The following PGS1 variants were observed in gnomAD, a reference collection of about 807,000 sequenced individuals.
PGS1 encodes the protein CDP-diacylglycerol--glycerol-3-phosphate 3-phosphatidyltransferase, mitochondrial.
Under a neutral mutation model 58.3 loss-of-function variants are expected in PGS1, and 44 were observed. The ratio of observed to expected loss-of-function variants is 0.75; its 90% CI spans 0.59 to 0.97. The LOEUF is 0.97. Among genes scored for constraint, PGS1 ranks in the 50% least tolerant of loss-of-function variants. PGS1 has a pLI of 0.00. For synonymous variants in PGS1, 330 were observed against 311.0 expected (o/e 1.06, Z -0.64); for missense variants, 684 against 731.1 (o/e 0.94, Z 0.74).
intron 6 of PGS1, 136 bp from the exon 7 acceptor site, chr17:78,403,432 G>A: frequency 3.1e-6 from 3 of 973,900 alleles, no homozygotes; most frequent in Non-Finnish European, 4.6e-6. Context: ...GGGGTCCTGG[G>A]CCCACTCAGC....
chr17:78,406,717 G>A (rs1200784212), intron 7 of PGS1, among the ~76,000 whole-genome samples: 3 of 152,240 alleles, frequency 2.0e-5, no homozygotes, highest in South Asian at 4.1e-4. Flanking sequence ...CCAGGGATGG[G>A]GTATTGAAAG....
chr17:78,378,698 C>T lies in PGS1; in HGVS notation c.33C>T (p.Pro11=), dbSNP rs535523184. ...TGGCGGCGGCAGCTGCGGCGGGACC[C>T]GTGTTCTGGAGGCGACTGCTGGGCC... MAVAAAAAAG[P]VFWRRLLGLL... is the part of the protein sequence containing the mutation. Residue 11 remains proline, a synonymous_variant, in exon 1 of 10, where the codon CCC becomes CCT. Coordinates refer to ENST00000262764, the MANE Select transcript of PGS1 (RefSeq NM_024419.5). The T allele has an allele frequency of 2.6e-6, 4 of 1,524,878 alleles. No homozygotes were observed. The highest frequency in any genetic ancestry group is 2.4e-5 in the South Asian group (2 of 82,568). The allele number at this position is 1,524,878 out of a possible 1,614,324, so 94.5% of individuals were successfully genotyped here.
At chr17:78,422,569 C>T (rs2085949625) in intron 9 of PGS1, among the ~76,000 whole-genome samples, 1 of 126,202 alleles carries the variant, frequency 7.9e-6, no homozygotes, top group African/African-American at 2.8e-5. Context: ...ATGATCATGC[C>T]TCGCTGCGTA....
intron 1 of PGS1, among the ~76,000 whole-genome samples, chr17:78,390,325 T>G (rs7222619): frequency 0.14 from 20,535 of 145,554 alleles, 1,550 homozygotes; most frequent in African/African-American, 0.24. Context: ...GAGACGGGGG[T>G]GGGGGAGGAA....
At chr17:78,395,307 T>C (rs1334538308) in intron 2 of PGS1, among the ~76,000 whole-genome samples, 1 of 152,232 alleles carries the variant, frequency 6.6e-6, no homozygotes, top group African/African-American at 2.4e-5. Context: ...TCTGTTTTAA[T>C]TGGTAACAAA....
intron 7 of PGS1, among the ~76,000 whole-genome samples, chr17:78,411,456 T>G (rs770449047): frequency 5.9e-5 from 9 of 152,156 alleles, no homozygotes; most frequent in Non-Finnish European, 1.0e-4. Flanking sequence ...CCCGCGACAC[T>G]TGATTTATAG....
At chr17:78,417,553 T>TG (rs1247404879) in intron 8 of PGS1, among the ~76,000 whole-genome samples, 2 of 152,014 alleles carry the variant, frequency 1.3e-5, no homozygotes, top group African/African-American at 4.8e-5. Context: ...TTCTGGAGTG[T>TG]GGGGTGACCC....
Position 78,399,554 on chromosome 17 carries a change from G to T in PGS1, c.701+17G>T. The stretch of plus-strand genomic sequence containing the variant: ...CTTGAGCGGGTGAGTGCTTCCCACC[G>T]TCAGTGCTTTTGCCCTCCTGCTCTG... On this transcript the variant is annotated intron_variant, in intron 5 of 9. Transcript: ENST00000262764. 1 of 1,612,820 alleles carries T rather than the reference G, an allele frequency of 6.2e-7. No individual in the cohort carries two copies. The highest frequency in any genetic ancestry group is 1.3e-5 in the African/African-American group (1 of 75,046).
chr17:78,418,089 C>G (rs550674319), intron 8 of PGS1, among the ~76,000 whole-genome samples: 1 of 151,852 alleles, frequency 6.6e-6, no homozygotes, highest in African/African-American at 2.4e-5. Context: ...GCCATCACGC[C>G]CGGCTAATGT....
At chr17:78,420,365 G>A (rs2085606563) in intron 9 of PGS1, 6 of 345,640 alleles carry the variant, frequency 1.7e-5, no homozygotes, top group Admixed American at 6.4e-5. Context: ...CCGGGCAGGG[G>A]GTGGCTGCCA....
At chr17:78,399,218 G>T in intron 4 of PGS1, 130 bp from the exon 5 acceptor site, 1 of 689,912 alleles carries the variant, frequency 1.4e-6, no homozygotes, top group Non-Finnish European at 2.5e-6. Flanking sequence ...GCTAGGAGTA[G>T]CCCCAGCTGG....
Position 78,392,572 on chromosome 17 carries a change from C to T in PGS1, c.240C>T (p.Phe80=), listed in dbSNP as rs753372599. The part of the protein sequence containing the change: ...CCLCPEGVHR[F]QWIRNLVPEF... ...TGTGTCCAGAAGGCGTGCACCGGTT[C>T]CAGTGGATCAGAAACCTGGTTCCAG... is the stretch of plus-strand genomic sequence containing the variant. The change falls in exon 2 of 10, where the codon TTC becomes TTT. Residue 80 remains phenylalanine, a synonymous_variant. Transcript: ENST00000262764. 2 of 1,614,068 alleles carry T rather than the reference C, an allele frequency of 1.2e-6. No individual in the cohort carries two copies. The highest frequency in any genetic ancestry group is 2.2e-5 in the South Asian group (2 of 91,088).
Position 78,400,776 on chromosome 17 carries a change from C to G in PGS1, c.801C>G (p.Asp267Glu). 1.2e-6 allele frequency: 2 copies of G among 1,613,830 alleles called. No homozygotes were observed. The highest frequency in any genetic ancestry group is 1.7e-6 in the Non-Finnish European group (2 of 1,179,926). Residue 267 changes from aspartate (D) to glutamate (E), a missense_variant, in exon 6 of 10, where the codon GAC becomes GAG. Transcript: ENST00000262764. This position sits in a 1 kb window ranked among gnomAD's most constrained non-coding sequence, Gnocchi z 4.4. ...CCGACTTCTTCACGGAGCTGGTGGA[C>G]GCGGTGGGGGATGTGTCCCTGCAGC... ...EIADFFTELV[D>E]AVGDVSLQLQ...
rs771785968 is a variant in PGS1, at chr17:78,424,187, C to T, written c.*137C>T. On this transcript the variant is annotated 3_prime_UTR_variant, in exon 10 of 10. Coordinates refer to ENST00000262764, the MANE Select transcript of PGS1 (RefSeq NM_024419.5). The stretch of plus-strand genomic sequence containing the variant: ...ACAGTATGGCTGAGGGTCAGGTGTG[C>T]TGCCAGTAAGTGAGGGAGGGGCTGG... 2 of 1,581,998 alleles carry T rather than the reference C, an allele frequency of 1.3e-6. No homozygotes were observed. The highest frequency in any genetic ancestry group is 1.7e-6 in the Non-Finnish European group (2 of 1,164,690).
chr17:78,401,943 C>T (rs1364253135), intron 6 of PGS1, among the ~76,000 whole-genome samples: 3 of 152,178 alleles, frequency 2.0e-5, no homozygotes, highest in Non-Finnish European at 1.5e-5. Context: ...AGAAAACAGG[C>T]CATGCTTAGG....
intron 9 of PGS1, among the ~76,000 whole-genome samples, chr17:78,423,137 T>A: frequency 6.6e-6 from 1 of 150,430 alleles, no homozygotes; most frequent in African/African-American, 2.4e-5. Context: ...CCTGTCTTGG[T>A]CCCCCTGGGA....
chr17:78,380,356 G>A (rs1315564984), intron 1 of PGS1, among the ~76,000 whole-genome samples: 2 of 152,152 alleles, frequency 1.3e-5, no homozygotes, highest in East Asian at 3.9e-4. Flanking sequence ...ACTGATTCTA[G>A]GTACAGAAAA....
intron 3 of PGS1, among the ~76,000 whole-genome samples, chr17:78,396,851 T>C (rs1490352690): frequency 6.6e-6 from 1 of 152,262 alleles, no homozygotes; most frequent in Non-Finnish European, 1.5e-5. Context: ...GCCACACTCA[T>C]TCATTTGTGT....
Position 78,393,102 on chromosome 17 carries a change from C to G in PGS1, c.333+437C>G, listed in dbSNP as rs1188746647. On this transcript the variant is annotated intron_variant, in intron 2 of 9. Transcript: ENST00000262764. ...TTGAGATGGAGTCTCGCTCTGTCAC[C>G]CAGGCTAGAGTGCAGTGGCTCAATC... Among the ~76,000 whole-genome samples, 8 of 151,232 alleles carry G rather than the reference C, an allele frequency of 5.3e-5. 1 individual carries two copies. Among genetic ancestry groups the G allele is most frequent in the African/African-American group, 1.9e-4 (8 of 41,168 alleles).
Sources: gnomAD v4.1 joint callset for allele counts (sites outside exome capture counted in the v4.1 genomes callset) on GRCh38, gnomAD v4.1.1 for gene constraint, Gnocchi (gnomAD v3.1) non-coding constraint, MANE v1.5 for transcripts, NCBI Gene and HGNC (gene_info 2026-07-23, HGNC 2026-07-21) for gene names.